GPHN: variants seen among roughly 807,000 people sequenced by gnomAD.
The protein encoded by GPHN is gephyrin.
A neutral mutation model predicts 95.5 loss-of-function variants in GPHN; 17 were observed. The observed-to-expected ratio is 0.18, with a 90% CI of 0.12 to 0.27. The LOEUF (loss-of-function observed/expected upper bound fraction) is 0.27, where lower values mean the gene tolerates loss of function less well. Ranked by LOEUF, GPHN falls within the 10% of genes least tolerant of loss-of-function variation. The pLI, the probability that GPHN is intolerant of heterozygous loss-of-function variation, is 1.00. For missense variants in GPHN, 660 were observed against 978.1 expected (o/e 0.67, Z 4.34); for synonymous variants, 320 against 322.5 (o/e 0.99, Z 0.08).
rs1374433957 is a variant in GPHN at position 66,879,379 on chromosome 14, G to GAA, written c.295-551_295-550dup. 2.6e-3 allele frequency among the ~76,000 whole-genome samples: 376 copies of GAA among 143,476 alleles called. 3 individuals are homozygous for GAA. The highest frequency in any genetic ancestry group is 8.7e-3 in the African/African-American group (338 of 39,064). The allele number at this position is 143,476 out of a possible 152,430, so 94.1% of individuals were successfully genotyped here. ...AAAAAAAAAAAAAGTGGAGAAATCT[G>GAA]AAAAAAAAAAGACAGTTAATTTACA... On this transcript the variant is annotated intron_variant, in intron 4 of 22. Coordinates refer to ENST00000478722, the MANE Select transcript of GPHN (RefSeq NM_020806.5).
At chr14:66,555,652 C>T (rs2059982496) in intron 1 of GPHN, among the ~76,000 whole-genome samples, 1 of 152,102 alleles carries the variant, frequency 6.6e-6, no homozygotes, top group South Asian at 2.1e-4. Context: ...TGAAATAGAA[C>T]TGTTATCCCC....
At chr14:66,641,874 G>T (rs781441781) in intron 1 of GPHN, among the ~76,000 whole-genome samples, 1 of 152,078 alleles carries the variant, frequency 6.6e-6, no homozygotes, top group Non-Finnish European at 1.5e-5. Context: ...GTTTTTTAAA[G>T]TAAAAAAATG....
the GPHN span, among the ~76,000 whole-genome samples, chr14:67,438,062 C>G: frequency 6.6e-6 from 1 of 152,142 alleles, no homozygotes; most frequent in African/African-American, 2.4e-5. Flanking sequence ...GGCTCCCAGT[C>G]TAGTGTCCGT....
At chr14:67,408,626 T>C in the GPHN span, among the ~76,000 whole-genome samples, 1 of 152,126 alleles carries the variant, frequency 6.6e-6, no homozygotes, top group Non-Finnish European at 1.5e-5. Context: ...AGACAGTGGT[T>C]GCACTGAAGT....
intron 8 of GPHN, among the ~76,000 whole-genome samples, chr14:66,932,450 T>G (rs979132493): frequency 2.0e-3 from 209 of 103,754 alleles, no homozygotes; most frequent in Non-Finnish European, 2.6e-3. Context: ...CCAGGTTTTT[T>G]TTTTTTTTTT....
the GPHN span, among the ~76,000 whole-genome samples, chr14:67,516,392 C>G: frequency 6.9e-4 from 86 of 124,038 alleles, no homozygotes; most frequent in African/African-American, 2.1e-3. Context: ...TTCAACCTAG[C>G]TGGAGAGGGG....
chr14:67,502,358 G>GA, the GPHN span, among the ~76,000 whole-genome samples: 1 of 147,986 alleles, frequency 6.8e-6, no homozygotes, highest in Non-Finnish European at 1.5e-5. Flanking sequence ...GAAAAAAAAA[G>GA]AAAAAAATGC....
At chr14:67,353,931 G>T in the GPHN span, 1 of 151,442 alleles carries the variant, frequency 6.6e-6, no homozygotes, top group African/African-American at 2.4e-5. Flanking sequence ...TGGGATTATG[G>T]GCATGAACCA....
intron 1 of GPHN, among the ~76,000 whole-genome samples, chr14:66,667,592 C>T (rs1464160057): frequency 6.6e-6 from 1 of 152,200 alleles, no homozygotes; most frequent in Non-Finnish European, 1.5e-5. Context: ...GGATAACTGG[C>T]TAGCCATAGG....
At position 66,601,480 on chromosome 14, in the gene GPHN, G is replaced by A. The variant is rs11852097; in HGVS notation, c.65-79627G>A. ...CTTTTGGGAATAGGAAAGTGATGGT[G>A]AAGGGGCAACCTCTTTAGTTTTCAG... On this transcript the variant is annotated intron_variant, in intron 1 of 22. Coordinates refer to ENST00000478722, the MANE Select transcript of GPHN (RefSeq NM_020806.5). Among the ~76,000 whole-genome samples the A allele has an allele frequency of 5.5e-4, 84 of 152,076 alleles. 2 individuals are homozygous for A. Among genetic ancestry groups the A allele is most frequent in the African/African-American group, 2.0e-3 (82 of 41,550 alleles).
chr14:67,100,970 T>A, intron 13 of GPHN, 59 bp downstream of exon 13: 1 of 977,094 alleles, frequency 1.0e-6, no homozygotes, highest in Non-Finnish European at 1.7e-6. Flanking sequence ...TTTGGGCATC[T>A]AATTCTAAAT....
At chr14:67,561,747 A>G in the GPHN span, among the ~76,000 whole-genome samples, 2 of 146,864 alleles carry the variant, frequency 1.4e-5, no homozygotes, top group Non-Finnish European at 3.0e-5. Context: ...GTGTGTGTCT[A>G]TGGTCCCAGC....
the GPHN span, among the ~76,000 whole-genome samples, chr14:67,263,717 A>G: frequency 1.3e-5 from 2 of 152,220 alleles, no homozygotes; most frequent in African/African-American, 4.8e-5. Context: ...TAAACTGATG[A>G]TAACTTTGAG....
At chr14:67,059,695 A>G (rs770793383) in intron 11 of GPHN, among the ~76,000 whole-genome samples, 13 of 152,218 alleles carry the variant, frequency 8.5e-5, no homozygotes, top group Non-Finnish European at 1.5e-4. Flanking sequence ...CCATTAAATT[A>G]TAAAAAATAA....
intron 4 of GPHN, among the ~76,000 whole-genome samples, chr14:66,841,748 TAA>T (rs2062097707): frequency 6.6e-6 from 1 of 152,014 alleles, no homozygotes; most frequent in African/African-American, 2.4e-5. Context: ...AATTAGATAT[TAA>T]GTATATGAGG....
intron 3 of GPHN, 63 bp from the exon 4 acceptor site, chr14:66,824,411 T>A: frequency 1.3e-6 from 1 of 790,878 alleles, no homozygotes; most frequent in Non-Finnish European, 2.3e-6. Context: ...GTCCTAGGAC[T>A]GGGATGTTTT....
intron 1 of GPHN, among the ~76,000 whole-genome samples, chr14:66,546,966 T>A: frequency 6.6e-6 from 1 of 152,184 alleles, no homozygotes; most frequent in East Asian, 1.9e-4. Context: ...ATTTGCTCTT[T>A]TTCTTTCTCT....
chr14:66,734,408 T>C (rs530602689), intron 2 of GPHN, among the ~76,000 whole-genome samples: 2 of 152,338 alleles, frequency 1.3e-5, no homozygotes, highest in Non-Finnish European at 2.9e-5. Flanking sequence ...CAGTTTTTGC[T>C]GTCCTGTACC....
chr14:67,701,194 G>T, the GPHN span, among the ~76,000 whole-genome samples: 2 of 151,878 alleles, frequency 1.3e-5, no homozygotes, highest in Non-Finnish European at 2.9e-5. Context: ...AGCACAAGTA[G>T]AATTTTTTGA....
Sources: allele counts gnomAD v4.1 joint callset (sites outside exome capture counted in the v4.1 genomes callset), GRCh38; gene constraint gnomAD v4.1.1; transcripts MANE v1.5; gene names NCBI Gene and HGNC (gene_info 2026-07-23, HGNC 2026-07-21).